The following ZNF732 variants were observed in gnomAD, a reference collection of about 807,000 sequenced individuals.
The protein encoded by ZNF732 is zinc finger protein LOC654254.
ZNF732 carries 12 observed loss-of-function variants against 11.5 expected under a neutral mutation model. That is an observed-to-expected ratio of 1.05 (90% CI 0.67 to 1.70). The LOEUF is 1.70. Ranked by LOEUF, ZNF732 falls within the 40% of genes most tolerant of loss-of-function variation. The pLI, the probability that ZNF732 is intolerant of heterozygous loss-of-function variation, is 0.00. For missense variants in ZNF732, 702 were observed against 676.9 expected (o/e 1.04, Z -0.41); for synonymous variants, 231 against 236.5 (o/e 0.98, Z 0.21).
chr4:276,307 T>C (rs1256487489), intron 3 of ZNF732, among the ~76,000 whole-genome samples: 4 of 151,972 alleles, frequency 2.6e-5, no homozygotes, highest in East Asian at 1.9e-4. Flanking sequence ...CACTGATCCA[T>C]ATTTGACTTA....
rs1719766426 is a variant in ZNF732 at position 287,957 on chromosome 4, T to TG, written c.226+7480dup. ...TACATTCTTTACAACATTTTTTTTT[T>TG]GCTTTATATTGGCCATCCTAATTAA... On this transcript the variant is annotated intron_variant, in intron 3 of 3. Coordinates refer to ENST00000419098, the MANE Select transcript of ZNF732 (RefSeq NM_001137608.3). Among the ~76,000 whole-genome samples, 3 of 152,096 alleles carry TG rather than the reference T, an allele frequency of 2.0e-5. No homozygotes were observed. The East Asian group carries it at 5.8e-4, about 29-fold the overall frequency.
intron 1 of ZNF732, among the ~76,000 whole-genome samples, chr4:297,132 G>A (rs549388335): frequency 6.6e-6 from 1 of 152,280 alleles, no homozygotes; most frequent in South Asian, 2.1e-4. Flanking sequence ...ACCAGGCATA[G>A]TGGCGTGCGC....
At chr4:287,381 A>G (rs1719753027) in intron 3 of ZNF732, among the ~76,000 whole-genome samples, 1 of 151,226 alleles carries the variant, frequency 6.6e-6, no homozygotes, top group South Asian at 2.1e-4. Context: ...CGTCCAGCTA[A>G]TTTTTGTATT....
At position 271,652 on chromosome 4, in the gene ZNF732, A is replaced by T. The variant is rs61792080; in HGVS notation, c.1205T>A (p.Phe402Tyr). ...TCTCTTATGTTCATTAAGGGTTGTG[A>T]ACCGACTAAAGGCTTTTCCACATTC... ...CEECGKAFSR[F>Y]TTLNEHKRIH... The change falls in exon 4 of 4, where the codon TTC (phenylalanine) becomes TAC (tyrosine). Residue 402 changes from phenylalanine (F) to tyrosine (Y), a missense_variant. Phe to Tyr is a conservative substitution (Grantham distance 22). This residue lies in a region of ZNF732 where 596 missense variants were observed against 557.9 expected (regional missense o/e 1.07). Transcript: ENST00000419098. The T allele has an allele frequency of 6.2e-7, 1 of 1,608,334 alleles. No individual in the cohort carries two copies. The highest frequency in any genetic ancestry group is 1.1e-5 in the South Asian group (1 of 90,586).
chr4:280,930 C>G (rs782598278), intron 3 of ZNF732, among the ~76,000 whole-genome samples: 15 of 151,856 alleles, frequency 9.9e-5, no homozygotes, highest in South Asian at 2.1e-4. Flanking sequence ...ACATGTCAGT[C>G]ATGGTGTGGA....
chr4:273,612 G>C (rs561333721), intron 3 of ZNF732, among the ~76,000 whole-genome samples: 1 of 151,676 alleles, frequency 6.6e-6, no homozygotes, highest in Admixed American at 6.6e-5. Context: ...GCAAAATAAA[G>C]ACAGAAATTT....
chr4:278,645 T>C (rs975359131), intron 3 of ZNF732, among the ~76,000 whole-genome samples: 1 of 152,236 alleles, frequency 6.6e-6, no homozygotes. Context: ...TTGACCTTTT[T>C]GTGTTCCTTG....
Position 272,501 on chromosome 4 carries a change from C to T in ZNF732, c.356G>A (p.Arg119Lys), listed in dbSNP as rs2108651479. The T allele has an allele frequency of 1.2e-6, 2 of 1,601,904 alleles. No individual in the cohort carries two copies. The highest frequency in any genetic ancestry group is 1.7e-6 in the Non-Finnish European group (2 of 1,173,470). Residue 119 changes from arginine to lysine, a missense_variant, in exon 4 of 4, where the codon AGG (arginine) becomes AAG (lysine). This residue lies in a region of ZNF732 where 596 missense variants were observed against 557.9 expected (regional missense o/e 1.07). Coordinates refer to ENST00000419098, the MANE Select transcript of ZNF732 (RefSeq NM_001137608.3). ...ATTATAACCTCCTTTCTGCACCTTCCTTTTACAGCTTTTTCTTAATTCTAA... is the reference window on the plus strand; with the variant it reads ...ATTATAACCTCCTTTCTGCACCTTCTTTTTACAGCTTTTTCTTAATTCTAA... Reference protein sequence around the residue: ...ENLELRKSCKRKVQKGGYNEF... With the variant: ...ENLELRKSCKKKVQKGGYNEF...
intron 1 of ZNF732, among the ~76,000 whole-genome samples, chr4:296,588 G>A (rs797032983): frequency 4.6e-5 from 7 of 152,102 alleles, no homozygotes; most frequent in African/African-American, 9.7e-5. Context: ...CAAATTGTCC[G>A]TGTGATCCTA....
At chr4:275,584 T>C (rs143345992) in intron 3 of ZNF732, among the ~76,000 whole-genome samples, 1,988 of 151,818 alleles carry the variant, frequency 0.013, 25 homozygotes, top group Middle Eastern at 0.065. Flanking sequence ...GGCAAAAATA[T>C]AAACTCTCAC....
Position 271,810 on chromosome 4 carries a change from C to T in ZNF732, c.1047G>A (p.Leu349=), listed in dbSNP as rs782311023. The change falls in exon 4 of 4, where the codon CTG becomes CTA. Residue 349 remains leucine, a synonymous_variant. Transcript: ENST00000419098. ...CAGTATGAATTCTCTTATGTTCATT[C>T]AGAACTGAGGACCTACTAAAGGCTT... ...CGKAFSRSSV[L]NEHKRIHTGE... 2 of 1,611,360 alleles carry T rather than the reference C, an allele frequency of 1.2e-6. No individual in the cohort carries two copies. The highest frequency in any genetic ancestry group is 1.7e-5 in the Admixed American group (1 of 59,792).
chr4:276,251 T>C (rs1326663869), intron 3 of ZNF732, among the ~76,000 whole-genome samples: 3 of 151,946 alleles, frequency 2.0e-5, no homozygotes, highest in South Asian at 2.1e-4. Context: ...GGAAACAATA[T>C]GCAGAGAGAT....
chr4:294,235 C>G (rs530388525), intron 3 of ZNF732, among the ~76,000 whole-genome samples: 7 of 152,272 alleles, frequency 4.6e-5, no homozygotes, highest in Admixed American at 3.3e-4. Flanking sequence ...TTCTTAACCT[C>G]GTGATCCACC....
intron 1 of ZNF732, among the ~76,000 whole-genome samples, 180 bp downstream of exon 1, chr4:305,128 G>C (rs1340879924): frequency 6.6e-6 from 1 of 152,178 alleles, no homozygotes; most frequent in Non-Finnish European, 1.5e-5. Flanking sequence ...CTGCAGGCTG[G>C]GCCAAAGCCG....
At position 271,993 on chromosome 4, in the gene ZNF732, G is replaced by A. The variant is rs1553837714; in HGVS notation, c.864C>T (p.Thr288=). The part of the protein sequence containing the change: ...FTCEECGKII[T]SSSNVAKHKK... ...TATGTTTGGCAACATTTGAGGATGA[G>A]GTAATGATTTTGCCACATTCTTCAC... The change falls in exon 4 of 4, where the codon ACC becomes ACT. Residue 288 remains threonine, a synonymous_variant. Transcript: ENST00000419098. 1 of 1,606,528 alleles carries A rather than the reference G, an allele frequency of 6.2e-7. No homozygotes were observed. Among genetic ancestry groups the A allele is most frequent in the East Asian group, 2.2e-5 (1 of 44,636 alleles).
chr4:299,589 A>T lies in ZNF732; in HGVS notation c.4-3434T>A, dbSNP rs1179357127. 1.2e-3 allele frequency among the ~76,000 whole-genome samples: 169 copies of T among 138,958 alleles called. 1 individual carries two copies. Among genetic ancestry groups the T allele is most frequent in the Non-Finnish European group, 7.7e-4 (50 of 65,066 alleles). The allele number at this position is 138,958 out of a possible 152,430, so 91.2% of individuals were successfully genotyped here. On this transcript the variant is annotated intron_variant, in intron 1 of 3. Coordinates refer to ENST00000419098, the MANE Select transcript of ZNF732 (RefSeq NM_001137608.3). ...GTTTTATATATATAATTTATATATA[A>T]ATATATATTTATAAATTATTTATAT...
At chr4:288,819 G>A (rs10027325) in intron 3 of ZNF732, among the ~76,000 whole-genome samples, 26,852 of 152,030 alleles carry the variant, frequency 0.18, 2,588 homozygotes, top group South Asian at 0.35. Context: ...TTTGGGAGGC[G>A]GAAGTGGGCT....
intron 1 of ZNF732, among the ~76,000 whole-genome samples, chr4:300,470 A>AAAAAG (rs1553843443): frequency 1.8e-4 from 27 of 149,570 alleles, no homozygotes; most frequent in South Asian, 4.2e-4. Flanking sequence ...AAAAAAAAAA[A>AAAAAG]AAAAGAAAAG....
chr4:305,269 G>C, intron 1 of ZNF732, 39 bp downstream of exon 1: 1 of 1,599,746 alleles, frequency 6.3e-7, no homozygotes. Flanking sequence ...GTTCGGATGA[G>C]GCCTCCCCAG....
Sources: gnomAD v4.1 joint callset for allele counts (sites outside exome capture counted in the v4.1 genomes callset) on GRCh38, gnomAD v4.1.1 for gene constraint, gnomAD v4.1.1 regional missense constraint, MANE v1.5 for transcripts, NCBI Gene and HGNC (gene_info 2026-07-23, HGNC 2026-07-21) for gene names.